Variants in PTPN14 observed in about 807,000 individuals in gnomAD.
The protein encoded by PTPN14 is tyrosine-protein phosphatase non-receptor type 14.
In PTPN14, 53 loss-of-function variants were observed where a neutral mutation model predicts 126.8. That is an observed-to-expected ratio of 0.42 (90% CI 0.34 to 0.53). PTPN14 has a LOEUF of 0.53. PTPN14 is among the 20% of genes least tolerant of loss of function. The pLI, the probability that PTPN14 is intolerant of heterozygous loss-of-function variation, is 0.08. For missense variants in PTPN14, 1,257 were observed against 1,552.9 expected (o/e 0.81, Z 3.20); for synonymous variants, 630 against 599.3 (o/e 1.05, Z -0.75).
intron 2 of PTPN14, among the ~76,000 whole-genome samples, chr1:214,455,053 A>C (rs1446753088): frequency 6.6e-6 from 1 of 152,106 alleles, no homozygotes. Context: ...CCTACTCTGG[A>C]GTAGAAAGAC....
chr1:214,384,925 C>A lies in PTPN14; in HGVS notation c.1067-137G>T. ...ATCCCATGGTCTCCACCCACATGTT[C>A]TATAGAATAACAGATACTATCTTGG... On this transcript the variant is annotated intron_variant, in intron 12 of 18. Coordinates refer to ENST00000366956, the MANE Select transcript of PTPN14 (RefSeq NM_005401.5). This position sits in a 1 kb window ranked among gnomAD's most constrained non-coding sequence, Gnocchi z 5.3. 1 of 997,044 alleles carries A rather than the reference C, an allele frequency of 1.0e-6. No individual in the cohort carries two copies. Among genetic ancestry groups the A allele is most frequent in the Non-Finnish European group, 1.5e-6 (1 of 686,622 alleles). The allele number at this position is 997,044 out of a possible 1,614,324, so 61.8% of individuals were successfully genotyped here. A position where few individuals can be genotyped will look rare whatever the true frequency, so the allele number is the denominator to read the frequency against.
At chr1:214,404,523 G>A (rs954427790) in intron 5 of PTPN14, among the ~76,000 whole-genome samples, 1 of 152,168 alleles carries the variant, frequency 6.6e-6, no homozygotes, top group Non-Finnish European at 1.5e-5. Context: ...AGGGCATGTG[G>A]CAACAGAATA....
At chr1:214,436,121 T>C (rs1659909556) in intron 3 of PTPN14, among the ~76,000 whole-genome samples, 1 of 152,178 alleles carries the variant, frequency 6.6e-6, no homozygotes, top group Non-Finnish European at 1.5e-5. Context: ...GAGGTCATTA[T>C]CCTAAGTGAG....
In PTPN14 at chr1:214,354,935, C is replaced by T. The variant is rs1354619679; in HGVS notation, c.*2987G>A. 6.6e-6 allele frequency: 1 copy of T among 152,064 alleles called. No homozygotes were observed. Among genetic ancestry groups the T allele is most frequent in the Admixed American group, 6.6e-5 (1 of 15,266 alleles). The allele number at this position is 152,064 out of a possible 1,614,324, so 9.4% of individuals were successfully genotyped here. A position where few individuals can be genotyped will look rare whatever the true frequency, so the allele number is the denominator to read the frequency against. ...CAAGGTTTATTCCTTGGCTTGCTTC[C>T]CAGATATAAAGCATCTCTGGGCAAT... On this transcript the variant is annotated 3_prime_UTR_variant, in exon 19 of 19. Transcript: ENST00000366956.
intron 5 of PTPN14, among the ~76,000 whole-genome samples, chr1:214,410,023 T>A (rs1291614602): frequency 6.6e-6 from 1 of 152,234 alleles, no homozygotes; most frequent in Non-Finnish European, 1.5e-5. Flanking sequence ...TTGAGTAGTT[T>A]GAGTTCCTTA....
chr1:214,521,969 C>T (rs1655272571), intron 1 of PTPN14, among the ~76,000 whole-genome samples: 1 of 117,460 alleles, frequency 8.5e-6, no homozygotes, highest in African/African-American at 3.2e-5. Flanking sequence ...TGGAGTCTTG[C>T]TCTGTTGCCC....
intron 1 of PTPN14, among the ~76,000 whole-genome samples, chr1:214,511,006 A>G (rs1270202602): frequency 6.6e-6 from 1 of 151,814 alleles, no homozygotes; most frequent in Non-Finnish European, 1.5e-5. Flanking sequence ...GCTCCTGAGT[A>G]TCCGTGACTA....
intron 3 of PTPN14, among the ~76,000 whole-genome samples, chr1:214,426,036 A>C (rs1659656347): frequency 7.8e-6 from 1 of 127,466 alleles, no homozygotes; most frequent in South Asian, 2.6e-4. Context: ...AAATCGCAAA[A>C]AAAAAAAAAA....
At chr1:214,415,837 C>A (rs1333050995) in intron 3 of PTPN14, among the ~76,000 whole-genome samples, 1 of 152,122 alleles carries the variant, frequency 6.6e-6, no homozygotes, top group Admixed American at 6.5e-5. Context: ...GTGGGAAAAA[C>A]CTATACTCAA....
intron 1 of PTPN14, among the ~76,000 whole-genome samples, chr1:214,509,439 T>A (rs1165811869): frequency 1.2e-4 from 18 of 152,246 alleles, no homozygotes; most frequent in Admixed American, 1.0e-3. Context: ...TGAAGAGAGT[T>A]AGGGCTTAGC....
At chr1:214,393,671 G>A (rs755248590) in intron 10 of PTPN14, 24 bp downstream of exon 10, 1 of 73,978 alleles carries the variant, frequency 1.4e-5, no homozygotes, top group East Asian at 1.5e-4. Context: ...CCATCAAGTC[G>A]GGGGGGATTA....
chr1:214,367,792 C>A (rs563684833), intron 17 of PTPN14, among the ~76,000 whole-genome samples: 31 of 152,286 alleles, frequency 2.0e-4, no homozygotes, highest in African/African-American at 7.2e-4. Context: ...CAGATCTCAT[C>A]TTTGGACGAT....
chr1:214,427,917 A>G (rs764887059), intron 3 of PTPN14, among the ~76,000 whole-genome samples: 3 of 152,202 alleles, frequency 2.0e-5, no homozygotes, highest in African/African-American at 4.8e-5. Flanking sequence ...CAAGAGGTCA[A>G]TGTAGCAAAG....
rs779120743 is a variant in PTPN14, at chr1:214,384,238, G to A, written c.1617C>T (p.Thr539=). 6.2e-7 allele frequency: 1 copy of A among 1,613,984 alleles called. No individual in the cohort carries two copies. Among genetic ancestry groups the A allele is most frequent in the Non-Finnish European group, 8.5e-7 (1 of 1,180,028 alleles). ...GASAISHTVS[T]PELANMQLQG... ...GCAGCTGCATGTTGGCCAGCTCTGG[G>A]GTGCTCACCGTGTGCGAGATGGCGC... is the stretch of plus-strand genomic sequence containing the variant. The change falls in exon 13 of 19, where the codon ACC becomes ACT. Residue 539 remains threonine, a synonymous_variant. Transcript: ENST00000366956. The surrounding 1 kb of genome is among the most constrained non-coding windows in gnomAD (Gnocchi z 5.3).
At chr1:214,488,186 C>A (rs1224478933) in intron 1 of PTPN14, among the ~76,000 whole-genome samples, 1 of 152,184 alleles carries the variant, frequency 6.6e-6, no homozygotes, top group Non-Finnish European at 1.5e-5. Flanking sequence ...CACAGATAAT[C>A]TTCTACTTGT....
At chr1:214,505,376 T>C (rs1021617394) in intron 1 of PTPN14, among the ~76,000 whole-genome samples, 2 of 152,072 alleles carry the variant, frequency 1.3e-5, no homozygotes, top group African/African-American at 4.8e-5. Context: ...ATCTGGTCAA[T>C]GTCCAATTCC....
At chr1:214,359,618 C>G (rs1256399063) in intron 18 of PTPN14, among the ~76,000 whole-genome samples, 1 of 151,966 alleles carries the variant, frequency 6.6e-6, no homozygotes, top group Non-Finnish European at 1.5e-5. Flanking sequence ...CTCCTAGGCT[C>G]AAGCAATCCT....
intron 1 of PTPN14, among the ~76,000 whole-genome samples, chr1:214,544,742 C>G (rs1655925831): frequency 6.7e-6 from 1 of 150,194 alleles, no homozygotes; most frequent in South Asian, 2.1e-4. Flanking sequence ...CAGAGCGAGA[C>G]TCCATCTCAA....
At chr1:214,426,520 T>C (rs546204316) in intron 3 of PTPN14, among the ~76,000 whole-genome samples, 1 of 151,636 alleles carries the variant, frequency 6.6e-6, no homozygotes, top group South Asian at 2.1e-4. Flanking sequence ...TTAGAAACTG[T>C]AACTTCCTAG....
Sources: allele counts gnomAD v4.1 joint callset (sites outside exome capture counted in the v4.1 genomes callset), GRCh38; gene constraint gnomAD v4.1.1; non-coding constraint Gnocchi (gnomAD v3.1); transcripts MANE v1.5; gene names NCBI Gene and HGNC (gene_info 2026-07-23, HGNC 2026-07-21).